RNF2: variants seen among roughly 807,000 people sequenced by gnomAD.
RNF2 encodes E3 ubiquitin-protein ligase RING2.
Under a neutral mutation model 37.2 loss-of-function variants are expected in RNF2, and 6 were observed. The observed-to-expected ratio is 0.16, with a 90% CI of 0.09 to 0.32. The LOEUF (loss-of-function observed/expected upper bound fraction) is 0.32. Ranked by LOEUF, RNF2 falls within the 10% of genes least tolerant of loss-of-function variation. The pLI, the probability that RNF2 is intolerant of heterozygous loss-of-function variation, is 1.00. For synonymous variants in RNF2, 133 were observed against 132.7 expected (o/e 1.00, Z -0.02); for missense variants, 251 against 404.0 (o/e 0.62, Z 3.25).
At chr1:185,068,003 C>A (rs1166876463) in intron 1 of RNF2, among the ~76,000 whole-genome samples, 1 of 42,246 alleles carries the variant, frequency 2.4e-5, no homozygotes, top group African/African-American at 1.2e-4. Context: ...GCCACAGCGC[C>A]CGGCCTTTTT....
chr1:185,094,671 G>T (rs1475303380), intron 4 of RNF2, among the ~76,000 whole-genome samples: 1 of 152,108 alleles, frequency 6.6e-6, no homozygotes, highest in Non-Finnish European at 1.5e-5. Context: ...GGAAGATCAT[G>T]GTTTTCCTTT....
At chr1:185,071,605 G>C (rs2102173069) in intron 1 of RNF2, 1 of 154,014 alleles carries the variant, frequency 6.5e-6, no homozygotes, top group Admixed American at 6.5e-5. Flanking sequence ...GAGTTACTCT[G>C]CCATGCTAGA....
intron 1 of RNF2, among the ~76,000 whole-genome samples, chr1:185,059,519 A>G (rs1650538836): frequency 6.6e-6 from 1 of 152,248 alleles, no homozygotes; most frequent in African/African-American, 2.4e-5. Context: ...TCACATTACA[A>G]GTACTTCCAG....
rs1652097768 is a variant in RNF2 at position 185,102,222 on chromosome 1, G to C, written c.*1921G>C. 6.6e-6 allele frequency: 1 copy of C among 152,114 alleles called. No individual in the cohort carries two copies. The highest frequency in any genetic ancestry group is 1.5e-5 in the Non-Finnish European group (1 of 67,978). 9.4% of individuals were successfully genotyped at this position (152,114 alleles called of 1,614,324 possible). A position where few individuals can be genotyped will look rare whatever the true frequency, so the allele number is the denominator to read the frequency against. ...TTGTGAAATATAATTCTAGGTATTT[G>C]ATAGGGTATTGAGTGTATTTTGTGT... On this transcript the variant is annotated 3_prime_UTR_variant, in exon 7 of 7. Transcript: ENST00000367510.
chr1:185,053,624 A>AT (rs1324322950), intron 1 of RNF2, among the ~76,000 whole-genome samples: 1 of 152,024 alleles, frequency 6.6e-6, no homozygotes, highest in Non-Finnish European at 1.5e-5. Flanking sequence ...AAGTGCTGGG[A>AT]TTACAGGCTT....
intron 4 of RNF2, 30 bp downstream of exon 4, chr1:185,093,306 G>A (rs1651819486): frequency 6.3e-7 from 1 of 1,590,190 alleles, no homozygotes; most frequent in African/African-American, 1.4e-5. Flanking sequence ...AGAGAGGGTA[G>A]CTGTTTTTCT....
chr1:185,074,244 T>G (rs1413389016), intron 1 of RNF2, among the ~76,000 whole-genome samples: 1 of 152,214 alleles, frequency 6.6e-6, no homozygotes, highest in African/African-American at 2.4e-5. Flanking sequence ...TTCCATCATT[T>G]AAAAATTTAA....
intron 1 of RNF2, among the ~76,000 whole-genome samples, chr1:185,082,782 T>C (rs1651467309): frequency 6.6e-6 from 1 of 152,138 alleles, no homozygotes; most frequent in Admixed American, 6.5e-5. Context: ...AATAAGAAAA[T>C]CACTCAAATT....
At chr1:185,083,974 C>T (rs1480236777) in intron 1 of RNF2, among the ~76,000 whole-genome samples, 1 of 131,582 alleles carries the variant, frequency 7.6e-6, no homozygotes, top group Non-Finnish European at 1.6e-5. Context: ...TGGGATCTCA[C>T]TCTGTTGCCC....
chr1:185,102,102 A>G lies in RNF2; in HGVS notation c.*1801A>G, dbSNP rs1239802164. 2 of 152,556 alleles carry G rather than the reference A, an allele frequency of 1.3e-5. No homozygotes were observed. The highest frequency in any genetic ancestry group is 2.9e-5 in the Non-Finnish European group (2 of 67,998). 9.5% of individuals were successfully genotyped at this position (152,556 alleles called of 1,614,324 possible). On this transcript the variant is annotated 3_prime_UTR_variant, in exon 7 of 7. Coordinates refer to ENST00000367510, the MANE Select transcript of RNF2 (RefSeq NM_007212.4). Reference sequence around the variant, plus strand: ...TTTAAGCAGAGAGTTATTTGTGACTATAAGCTTTGTGCTTAGAGAATGTAT... The same window carrying G: ...TTTAAGCAGAGAGTTATTTGTGACTGTAAGCTTTGTGCTTAGAGAATGTAT...
chr1:185,069,679 C>T (rs1431406379), intron 1 of RNF2, among the ~76,000 whole-genome samples: 1 of 152,052 alleles, frequency 6.6e-6, no homozygotes, highest in Non-Finnish European at 1.5e-5. Flanking sequence ...ATATCTTAAT[C>T]CTCTCAAAGA....
intron 1 of RNF2, among the ~76,000 whole-genome samples, chr1:185,054,616 T>C (rs1650375920): frequency 6.6e-6 from 1 of 152,216 alleles, no homozygotes; most frequent in Middle Eastern, 3.2e-3. Flanking sequence ...AGGCGGGGCC[T>C]GAATTCCTAA....
intron 1 of RNF2, among the ~76,000 whole-genome samples, chr1:185,078,718 T>C (rs560594438): frequency 6.6e-5 from 10 of 152,228 alleles, no homozygotes; most frequent in Admixed American, 2.0e-4. Context: ...GAGACCAGCC[T>C]GGCCAACATG....
At chr1:185,050,656 G>C (rs746038931) in intron 1 of RNF2, among the ~76,000 whole-genome samples, 19 of 152,096 alleles carry the variant, frequency 1.2e-4, no homozygotes, top group Non-Finnish European at 1.9e-4. Flanking sequence ...TTCCTTCCAA[G>C]GTCATTAGAA....
At chr1:185,055,822 T>C (rs538683783) in intron 1 of RNF2, among the ~76,000 whole-genome samples, 4 of 152,254 alleles carry the variant, frequency 2.6e-5, no homozygotes, top group African/African-American at 9.6e-5. Context: ...TTTAGTTTTA[T>C]GAACCTATCC....
intron 2 of RNF2, 110 bp from the exon 3 acceptor site, chr1:185,091,469 T>C: frequency 1.0e-6 from 1 of 1,003,700 alleles, no homozygotes; most frequent in Admixed American, 2.5e-5. Context: ...AGTGGCTGGG[T>C]GATGGGTACA....
At chr1:185,072,588 C>T (rs575648315) in intron 1 of RNF2, among the ~76,000 whole-genome samples, 1 of 151,910 alleles carries the variant, frequency 6.6e-6, no homozygotes, top group African/African-American at 2.4e-5. Flanking sequence ...GAAGGACTAG[C>T]TAGTGGAAGG....
intron 2 of RNF2, among the ~76,000 whole-genome samples, chr1:185,089,671 G>A (rs905218372): frequency 6.6e-6 from 1 of 152,124 alleles, no homozygotes; most frequent in Non-Finnish European, 1.5e-5. Flanking sequence ...GCTATGCAGG[G>A]GAGCAGAGAA....
chr1:185,056,454 G>A (rs1650436717), intron 1 of RNF2, among the ~76,000 whole-genome samples: 1 of 151,838 alleles, frequency 6.6e-6, no homozygotes. Flanking sequence ...GAACTCCTGG[G>A]CTCAGGGGAT....
Sources: gnomAD v4.1 joint callset for allele counts (sites outside exome capture counted in the v4.1 genomes callset) on GRCh38, gnomAD v4.1.1 for gene constraint, MANE v1.5 for transcripts, NCBI Gene and HGNC (gene_info 2026-07-23, HGNC 2026-07-21) for gene names.